MYT1L: variants seen among roughly 807,000 people sequenced by gnomAD.
MYT1L encodes the protein myelin transcription factor 1 like, also known as myelin transcription factor 1-like protein.
Under a neutral mutation model 126.7 loss-of-function variants are expected in MYT1L, and 12 were observed. That is an observed-to-expected ratio of 0.09 (90% CI 0.06 to 0.15). MYT1L has a LOEUF of 0.15. MYT1L is among the 10% of genes least tolerant of loss of function. The pLI, the probability that MYT1L is intolerant of heterozygous loss-of-function variation, is 1.00. For synonymous variants in MYT1L, 541 were observed against 604.2 expected, an observed-to-expected ratio of 0.90 and a Z score of 1.53; for missense variants, 979 against 1,585.2, an observed-to-expected ratio of 0.62 and a Z score of 6.49.
At chr2:1,847,139 C>A (rs541950630) in intron 19 of MYT1L, among the ~76,000 whole-genome samples, 1 of 152,278 alleles carries the variant, frequency 6.6e-6, no homozygotes, top group East Asian at 1.9e-4. Flanking sequence ...TGGAAGTGCT[C>A]CAGGTGAGCA....
chr2:2,052,024 C>CAGAA (rs2068889139), intron 4 of MYT1L, among the ~76,000 whole-genome samples: 3 of 152,062 alleles, frequency 2.0e-5, no homozygotes, highest in African/African-American at 7.2e-5. Flanking sequence ...TTAGAAATTT[C>CAGAA]ATACTTTCTG....
chr2:2,033,544 G>A (rs897414138), intron 4 of MYT1L, among the ~76,000 whole-genome samples: 2 of 152,160 alleles, frequency 1.3e-5, no homozygotes, highest in African/African-American at 4.8e-5. Flanking sequence ...GCTACTCCCT[G>A]AAAAGAACTT....
chr2:1,856,806 G>A (rs1321161807), intron 18 of MYT1L, among the ~76,000 whole-genome samples: 1 of 152,214 alleles, frequency 6.6e-6, no homozygotes, highest in South Asian at 2.1e-4. Context: ...GATGCTCACA[G>A]TACAGCACAT....
At chr2:1,951,591 G>A (rs1347926818) in intron 8 of MYT1L, among the ~76,000 whole-genome samples, 1 of 152,186 alleles carries the variant, frequency 6.6e-6, no homozygotes, top group Admixed American at 6.5e-5. Flanking sequence ...TCAGCACAAG[G>A]TCTGTGCACC....
At chr2:1,876,491 C>A (rs1037742379) in intron 18 of MYT1L, among the ~76,000 whole-genome samples, 2 of 152,092 alleles carry the variant, frequency 1.3e-5, no homozygotes, top group Admixed American at 6.5e-5. Context: ...CTGACCCCCC[C>A]GTCCATCTGG....
chr2:1,911,543 C>A (rs372141020), intron 12 of MYT1L, among the ~76,000 whole-genome samples: 58 of 152,260 alleles, frequency 3.8e-4, no homozygotes, highest in African/African-American at 1.2e-3. Context: ...CCCTGGCACC[C>A]CAGCCTCCCA....
At chr2:2,156,337 G>C (rs1286667089) in intron 3 of MYT1L, among the ~76,000 whole-genome samples, 1 of 152,132 alleles carries the variant, frequency 6.6e-6, no homozygotes, top group Non-Finnish European at 1.5e-5. Context: ...TGTTCTTCTA[G>C]AAGCTGTGAC....
rs555568139 is a variant in MYT1L, at chr2:2,247,854, C to T, written c.-421+36550G>A. ...CTTGAAACAAATGATAATGGAAACACAACATACCGAAACCTATGGAATACA... is the reference window on the plus strand; with the variant it reads ...CTTGAAACAAATGATAATGGAAACATAACATACCGAAACCTATGGAATACA... On this transcript the variant is annotated intron_variant, in intron 2 of 24. Transcript: ENST00000647738. Among the ~76,000 whole-genome samples, 13 of 152,090 alleles carry T rather than the reference C, an allele frequency of 8.5e-5. No individual in the cohort carries two copies. In the South Asian group the frequency reaches 2.3e-3, roughly 27 times the overall value.
At chr2:2,067,884 G>A (rs1248570082) in intron 3 of MYT1L, among the ~76,000 whole-genome samples, 2 of 151,830 alleles carry the variant, frequency 1.3e-5, no homozygotes, top group Admixed American at 6.6e-5. Context: ...CATTTCACAA[G>A]CGGGAACACA....
intron 18 of MYT1L, among the ~76,000 whole-genome samples, chr2:1,871,416 T>C (rs996164268): frequency 3.3e-5 from 5 of 152,234 alleles, no homozygotes; most frequent in Admixed American, 2.6e-4. Flanking sequence ...AGAACCGGGA[T>C]ACCAATTCAT....
rs536772325 is a variant in MYT1L at position 2,133,380 on chromosome 2, G to A, written c.-304+39492C>T. 4.6e-5 allele frequency among the ~76,000 whole-genome samples: 7 copies of A among 152,200 alleles called. No homozygotes were observed. The South Asian group carries it at 1.2e-3, about 27-fold the overall frequency. On this transcript the variant is annotated intron_variant, in intron 3 of 24. Coordinates refer to ENST00000647738, the MANE Select transcript of MYT1L (RefSeq NM_001303052.2). Reference sequence around the variant, plus strand: ...AGCAAGAAAGGACAGTAAATTCAGTGAAAACAATCAAAGTCACTCCCCCTC... The same window carrying A: ...AGCAAGAAAGGACAGTAAATTCAGTAAAAACAATCAAAGTCACTCCCCCTC...
intron 20 of MYT1L, 131 bp downstream of exon 20, chr2:1,840,629 G>C (rs981983411): frequency 3.0e-5 from 21 of 690,306 alleles, no homozygotes; most frequent in Non-Finnish European, 4.9e-5. Flanking sequence ...CCTTGCATTT[G>C]TGGAAATCTC....
At chr2:1,958,723 G>T (rs1016115847) in intron 8 of MYT1L, among the ~76,000 whole-genome samples, 2 of 151,770 alleles carry the variant, frequency 1.3e-5, no homozygotes, top group African/African-American at 4.9e-5. Context: ...GACTGCAGAG[G>T]CCCCTTCTTC....
In MYT1L at chr2:2,284,436, A is replaced by G. The variant is rs892387273; in HGVS notation, c.-453T>C. 1 of 152,292 alleles carries G rather than the reference A, an allele frequency of 6.6e-6. No individual in the cohort carries two copies. Among genetic ancestry groups the G allele is most frequent in the African/African-American group, 2.4e-5 (1 of 41,446 alleles). 9.4% of individuals were successfully genotyped at this position (152,292 alleles called of 1,614,324 possible). A position where few individuals can be genotyped will look rare whatever the true frequency, so the allele number is the denominator to read the frequency against. On this transcript the variant is annotated 5_prime_UTR_variant, in exon 2 of 25. Coordinates refer to ENST00000647738, the MANE Select transcript of MYT1L (RefSeq NM_001303052.2). ...TGTGATCCCTCAAATGTCAACGTGG[A>G]TTGGACAAACGTCCAGGCAACAGCC... is the stretch of plus-strand genomic sequence containing the variant.
intron 2 of MYT1L, among the ~76,000 whole-genome samples, chr2:2,272,252 A>T (rs1412023572): frequency 6.6e-6 from 1 of 151,774 alleles, no homozygotes; most frequent in Admixed American, 6.6e-5. Flanking sequence ...CTCTCTTCCC[A>T]ACACTGCTGG....
chr2:2,078,880 C>T (rs1450764322), intron 3 of MYT1L, among the ~76,000 whole-genome samples: 3 of 152,162 alleles, frequency 2.0e-5, no homozygotes, highest in African/African-American at 7.2e-5. Context: ...TGTGTTTCCC[C>T]AAATTCATAT....
chr2:1,867,593 A>G (rs2045745743), intron 18 of MYT1L, among the ~76,000 whole-genome samples: 1 of 152,180 alleles, frequency 6.6e-6, no homozygotes, highest in African/African-American at 2.4e-5. Flanking sequence ...AGATGCCAAG[A>G]GTGGTCCTGG....
In MYT1L at chr2:2,161,021, A is replaced by G. The variant is rs183957418; in HGVS notation, c.-304+11851T>C. Among the ~76,000 whole-genome samples, 30 of 152,190 alleles carry G rather than the reference A, an allele frequency of 2.0e-4. 2 individuals carry two copies. Among genetic ancestry groups the G allele is most frequent in the African/African-American group, 6.7e-4 (28 of 41,528 alleles). On this transcript the variant is annotated intron_variant, in intron 3 of 24. Coordinates refer to ENST00000647738, the MANE Select transcript of MYT1L (RefSeq NM_001303052.2). Reference sequence around the variant, plus strand: ...CACTTGAGGTCAGGAGTTTGAGACCATCCTGCCCAACGTGGTGAAACCCCA... The same window carrying G: ...CACTTGAGGTCAGGAGTTTGAGACCGTCCTGCCCAACGTGGTGAAACCCCA...
intron 3 of MYT1L, among the ~76,000 whole-genome samples, chr2:2,061,269 G>A (rs2070447049): frequency 6.6e-6 from 1 of 152,126 alleles, no homozygotes; most frequent in African/African-American, 2.4e-5. Flanking sequence ...GCCTGGCTGT[G>A]GGGGCCGCAG....
Sources: allele counts gnomAD v4.1 joint callset (sites outside exome capture counted in the v4.1 genomes callset), GRCh38; gene constraint gnomAD v4.1.1; transcripts MANE v1.5; gene names NCBI Gene and HGNC (gene_info 2026-07-23, HGNC 2026-07-21).